The following SV2C variants were observed in gnomAD, a reference collection of about 807,000 sequenced individuals.
SV2C encodes solute carrier family 22 member B3.
In SV2C, 49 loss-of-function variants were observed where a neutral mutation model predicts 79.7. The observed-to-expected ratio is 0.61, with a 90% CI of 0.49 to 0.78. The LOEUF (loss-of-function observed/expected upper bound fraction) is 0.78. Ranked by LOEUF, SV2C falls within the 30% of genes least tolerant of loss-of-function variation. The pLI is 0.00. For synonymous variants in SV2C, 334 were observed against 333.2 expected (o/e 1.00, Z -0.03); for missense variants, 833 against 912.9 (o/e 0.91, Z 1.13).
the SV2C span, among the ~76,000 whole-genome samples, chr5:76,039,605 A>C: frequency 5.3e-4 from 81 of 152,088 alleles, no homozygotes; most frequent in Admixed American, 9.8e-4. Flanking sequence ...AAATTACAAA[A>C]ATTAACCGGG....
intron 4 of SV2C, among the ~76,000 whole-genome samples, chr5:76,213,385 A>C (rs759650488): frequency 1.3e-5 from 2 of 152,198 alleles, no homozygotes; most frequent in Non-Finnish European, 2.9e-5. Flanking sequence ...GAGGTTTTTA[A>C]TGAATTTTTG....
the SV2C span, among the ~76,000 whole-genome samples, chr5:76,036,278 C>T: frequency 6.6e-6 from 1 of 151,512 alleles, no homozygotes; most frequent in Non-Finnish European, 1.5e-5. Flanking sequence ...TGAATTTGAT[C>T]CTGTCATTAT....
At chr5:76,012,591 C>A in the SV2C span, among the ~76,000 whole-genome samples, 1 of 152,176 alleles carries the variant, frequency 6.6e-6, no homozygotes, top group African/African-American at 2.4e-5. Flanking sequence ...TTTTGCTGTG[C>A]AGAAGCTCTT....
the SV2C span, among the ~76,000 whole-genome samples, chr5:75,966,415 A>G: frequency 6.6e-6 from 1 of 152,212 alleles, no homozygotes; most frequent in Non-Finnish European, 1.5e-5. Flanking sequence ...TGCAGGACTT[A>G]TTTCCTGGTC....
the SV2C span, among the ~76,000 whole-genome samples, chr5:76,010,232 C>A: frequency 2.0e-5 from 3 of 151,996 alleles, no homozygotes; most frequent in African/African-American, 7.2e-5. Context: ...TAGGCTCTTC[C>A]CAGGATGCAG....
chr5:75,962,470 G>A, the SV2C span, among the ~76,000 whole-genome samples: 1 of 152,074 alleles, frequency 6.6e-6, no homozygotes, highest in Non-Finnish European at 1.5e-5. Flanking sequence ...AAAAATCTGA[G>A]GGTACATATT....
chr5:76,197,707 C>CAGATACATAGAT (rs10526207), intron 3 of SV2C, among the ~76,000 whole-genome samples: 6 of 145,494 alleles, frequency 4.1e-5, no homozygotes, highest in Non-Finnish European at 6.0e-5. Context: ...GATAGACAGG[C>CAGATACATAGAT]AGATAGATAG....
chr5:75,933,319 A>AGT, the SV2C span, among the ~76,000 whole-genome samples: 1 of 152,124 alleles, frequency 6.6e-6, no homozygotes. Context: ...CACATGTTTA[A>AGT]GTTTGTCTTC....
chr5:76,159,459 A>G (rs1742836033), intron 2 of SV2C, among the ~76,000 whole-genome samples: 1 of 152,146 alleles, frequency 6.6e-6, no homozygotes, highest in Non-Finnish European at 1.5e-5. Flanking sequence ...TGCCATAACA[A>G]AGTACCAAAA....
chr5:75,999,634 A>T, the SV2C span, among the ~76,000 whole-genome samples: 2 of 137,276 alleles, frequency 1.5e-5, no homozygotes, highest in African/African-American at 5.6e-5. Context: ...GGGTGGGGTG[A>T]ATTCCTCTCT....
At chr5:76,023,964 A>AT in the SV2C span, among the ~76,000 whole-genome samples, 16 of 151,912 alleles carry the variant, frequency 1.1e-4, no homozygotes, top group Non-Finnish European at 2.4e-4. Context: ...CATTGCAACA[A>AT]TAAAAAATGT....
intron 12 of SV2C, among the ~76,000 whole-genome samples, chr5:76,339,524 C>T (rs1248856658): frequency 2.0e-5 from 3 of 152,022 alleles, no homozygotes; most frequent in Admixed American, 6.6e-5. Context: ...ACCATCCTGG[C>T]TAACAAGGTG....
the SV2C span, among the ~76,000 whole-genome samples, chr5:75,861,030 A>G: frequency 6.6e-6 from 1 of 152,104 alleles, no homozygotes; most frequent in Non-Finnish European, 1.5e-5. Context: ...GCCTTTGCAA[A>G]GAGCAGACAA....
intron 1 of SV2C, among the ~76,000 whole-genome samples, chr5:76,098,028 C>T (rs1301010873): frequency 6.6e-6 from 1 of 152,104 alleles, no homozygotes; most frequent in Non-Finnish European, 1.5e-5. Flanking sequence ...TTTTACTGTG[C>T]AGCTCTAATT....
At chr5:75,939,822 T>G in the SV2C span, among the ~76,000 whole-genome samples, 1 of 152,148 alleles carries the variant, frequency 6.6e-6, no homozygotes, top group Non-Finnish European at 1.5e-5. Context: ...ACAGTCCCTG[T>G]GCCTTCACTC....
At chr5:75,888,206 A>G in the SV2C span, among the ~76,000 whole-genome samples, 1 of 152,074 alleles carries the variant, frequency 6.6e-6, no homozygotes. Flanking sequence ...AAAGAATGAA[A>G]GATGGTGTAG....
chr5:76,343,882 G>A (rs999389355), intron 12 of SV2C, among the ~76,000 whole-genome samples: 26 of 152,276 alleles, frequency 1.7e-4, no homozygotes, highest in South Asian at 4.2e-4. Flanking sequence ...TTAACTAGGC[G>A]TAGTGGCACA....
the SV2C span, among the ~76,000 whole-genome samples, chr5:75,896,292 CTA>C: frequency 6.6e-6 from 1 of 150,956 alleles, no homozygotes; most frequent in Non-Finnish European, 1.5e-5. Flanking sequence ...CAATTCCCAC[CTA>C]TGAGTGAGAA....
the SV2C span, among the ~76,000 whole-genome samples, chr5:75,939,597 A>G: frequency 6.6e-6 from 1 of 152,120 alleles, no homozygotes; most frequent in Non-Finnish European, 1.5e-5. Context: ...AACTGGGGAA[A>G]TTCAAGGTTG....
Sources: allele counts gnomAD v4.1 joint callset (sites outside exome capture counted in the v4.1 genomes callset), GRCh38; gene constraint gnomAD v4.1.1; transcripts MANE v1.5; gene names NCBI Gene and HGNC (gene_info 2026-07-23, HGNC 2026-07-21).